The following PDE1C variants were observed in gnomAD, a reference collection of about 807,000 sequenced individuals.
The protein encoded by PDE1C is phosphodiesterase 1C.
PDE1C carries 62 observed loss-of-function variants against 93.1 expected under a neutral mutation model. The observed-to-expected ratio is 0.67, with a 90% confidence interval of 0.54 to 0.82. The LOEUF (loss-of-function observed/expected upper bound fraction) is 0.82, where lower values mean the gene tolerates loss of function less well. Ranked by LOEUF, PDE1C falls within the 40% of genes least tolerant of loss-of-function variation. PDE1C has a pLI of 0.00. For missense variants in PDE1C, 742 were observed against 884.6 expected (o/e 0.84, Z 2.04); for synonymous variants, 325 against 310.1 (o/e 1.05, Z -0.50).
At chr7:32,397,879 G>C (rs1175345502) in intron 1 of PDE1C, among the ~76,000 whole-genome samples, 5 of 151,828 alleles carry the variant, frequency 3.3e-5, no homozygotes, top group African/African-American at 1.2e-4. Context: ...AATTAGCCGG[G>C]CATGGTGGCA....
chr7:31,681,204 A>G, the PDE1C span, among the ~76,000 whole-genome samples: 1 of 152,296 alleles, frequency 6.6e-6, no homozygotes, highest in South Asian at 2.1e-4. Flanking sequence ...TTCTTCTAAC[A>G]TTCAGAATGT....
chr7:32,254,565 T>C (rs1809644575), intron 1 of PDE1C, among the ~76,000 whole-genome samples: 1 of 152,226 alleles, frequency 6.6e-6, no homozygotes, highest in Non-Finnish European at 1.5e-5. Flanking sequence ...TGCAGTTTTC[T>C]AGGTAGATAA....
chr7:31,754,888 A>G (rs1317887887), intron 17 of PDE1C, among the ~76,000 whole-genome samples: 2 of 152,234 alleles, frequency 1.3e-5, no homozygotes, highest in Non-Finnish European at 2.9e-5. Context: ...AATGTATGCA[A>G]ATAAAAAAAC....
chr7:31,921,993 A>T (rs1802691112), intron 2 of PDE1C, among the ~76,000 whole-genome samples: 1 of 152,144 alleles, frequency 6.6e-6, no homozygotes, highest in Non-Finnish European at 1.5e-5. Flanking sequence ...AAGAGAGGTT[A>T]ATTAGTAATT....
intron 1 of PDE1C, among the ~76,000 whole-genome samples, chr7:32,297,406 CA>C (rs1253061140): frequency 1.3e-5 from 2 of 152,018 alleles, no homozygotes; most frequent in Non-Finnish European, 2.9e-5. Flanking sequence ...TGAGTACTTC[CA>C]AAAGTAGGAA....
At chr7:32,221,215 G>A (rs569861525) in intron 1 of PDE1C, among the ~76,000 whole-genome samples, 5 of 152,258 alleles carry the variant, frequency 3.3e-5, no homozygotes, top group East Asian at 1.9e-4. Context: ...AGTCATTGCC[G>A]AAAGAAGAGA....
chr7:31,643,579 T>C, the PDE1C span: 1 of 1,614,026 alleles, frequency 6.2e-7, no homozygotes, highest in Non-Finnish European at 8.5e-7. Context: ...ATCTTTAGAA[T>C]GCACTGTGTG....
rs151139196 is a variant in PDE1C at position 32,284,126 on chromosome 7, C to A, written c.85+14525G>T. Reference sequence around the variant, plus strand: ...TCCATTAGAGAAAATCTAATACACCCGTAACCCATAGAAAAGAAGGGCAAA... The same window carrying A: ...TCCATTAGAGAAAATCTAATACACCAGTAACCCATAGAAAAGAAGGGCAAA... On this transcript the variant is annotated intron_variant, in intron 1 of 18. Transcript: ENST00000396193. Among the ~76,000 whole-genome samples, 4 of 152,266 alleles carry A rather than the reference C, an allele frequency of 2.6e-5. No individual in the cohort carries two copies. The South Asian group carries it at 6.2e-4, about 24-fold the overall frequency.
At chr7:31,754,532 T>C (rs1325869826) in intron 17 of PDE1C, among the ~76,000 whole-genome samples, 1 of 152,372 alleles carries the variant, frequency 6.6e-6, no homozygotes, top group East Asian at 1.9e-4. Context: ...GATACATTTA[T>C]ACAATGGAAT....
At chr7:32,419,914 GTTTC>G (rs1785358203) in intron 1 of PDE1C, among the ~76,000 whole-genome samples, 1 of 150,574 alleles carries the variant, frequency 6.6e-6, no homozygotes, top group African/African-American at 2.4e-5. Context: ...CTGAACCTCA[GTTTC>G]TTTATTTGTA....
chr7:32,285,486 T>C (rs981968067), intron 1 of PDE1C, among the ~76,000 whole-genome samples: 1 of 152,138 alleles, frequency 6.6e-6, no homozygotes, highest in African/African-American at 2.4e-5. Context: ...AACAAATGTA[T>C]ATGTTCACAT....
chr7:32,151,746 G>C (rs1801271929), intron 3 of PDE1C, among the ~76,000 whole-genome samples: 1 of 152,182 alleles, frequency 6.6e-6, no homozygotes, highest in African/African-American at 2.4e-5. Context: ...GCCTGGGACA[G>C]ACTGGGGATA....
At chr7:31,951,431 T>C (rs187131869) in intron 2 of PDE1C, among the ~76,000 whole-genome samples, 1 of 152,338 alleles carries the variant, frequency 6.6e-6, no homozygotes, top group East Asian at 1.9e-4. Context: ...TCAGTGAAGC[T>C]GTCTTCCCCT....
chr7:32,231,006 TG>T (rs1243545903), intron 1 of PDE1C, among the ~76,000 whole-genome samples: 1 of 152,160 alleles, frequency 6.6e-6, no homozygotes, highest in Non-Finnish European at 1.5e-5. Flanking sequence ...TTAAAGCATG[TG>T]GGGATAATTA....
chr7:31,864,143 GA>G (rs1794997654), intron 7 of PDE1C, among the ~76,000 whole-genome samples: 1 of 151,698 alleles, frequency 6.6e-6, no homozygotes, highest in Non-Finnish European at 1.5e-5. Flanking sequence ...TTACATCAAG[GA>G]AAAAAAGAAA....
intron 1 of PDE1C, among the ~76,000 whole-genome samples, chr7:32,065,880 A>G (rs982691508): frequency 4.6e-5 from 7 of 152,182 alleles, no homozygotes; most frequent in African/African-American, 1.7e-4. Context: ...AAAACATCCT[A>G]AGCAAAAACA....
chr7:32,165,957 C>CG (rs1436282599), intron 3 of PDE1C, among the ~76,000 whole-genome samples: 1 of 151,798 alleles, frequency 6.6e-6, no homozygotes, highest in African/African-American at 2.4e-5. Context: ...ACAATCCCCC[C>CG]GGGTGATTGT....
In PDE1C at chr7:31,815,999, G is replaced by C; in HGVS notation, c.1738C>G (p.Arg580Gly). The C allele has an allele frequency of 6.2e-7, 1 of 1,613,936 alleles. No homozygotes were observed. Among genetic ancestry groups the C allele is most frequent in the South Asian group, 1.1e-5 (1 of 91,080 alleles). ...CGAGGGTTGTCACTTTTGTTTGCCCGTGTTCCATTGACTTGATTCTTAGTT... is the reference window on the plus strand; with the variant it reads ...CGAGGGTTGTCACTTTTGTTTGCCCCTGTTCCATTGACTTGATTCTTAGTT... ...GETKNQVNGT[R>G]ANKSDNPRGK... The change falls in exon 15 of 18, where the codon CGG becomes GGG. Residue 580 changes from arginine to glycine, a missense_variant. By Grantham distance (125) the Arg-to-Gly change is moderately radical. Transcript: ENST00000396191.
chr7:31,690,065 A>C, the PDE1C span, among the ~76,000 whole-genome samples: 13 of 152,300 alleles, frequency 8.5e-5, no homozygotes, highest in African/African-American at 2.9e-4. Context: ...GACATGTTTG[A>C]TTATTCAATT....
Sources: allele counts gnomAD v4.1 joint callset (sites outside exome capture counted in the v4.1 genomes callset), GRCh38; gene constraint gnomAD v4.1.1; transcripts MANE v1.5; gene names NCBI Gene and HGNC (gene_info 2026-07-23, HGNC 2026-07-21).